The following BTBD9 variants were observed in gnomAD, a reference collection of about 807,000 sequenced individuals.
BTBD9 encodes BTB domain containing 9.
A neutral mutation model predicts 64.3 loss-of-function variants in BTBD9; 49 were observed. The observed-to-expected ratio is 0.76, with a 90% CI of 0.61 to 0.97. The LOEUF is 0.97. Among genes scored for constraint, BTBD9 ranks in the 50% least tolerant of loss-of-function variants. BTBD9 has a pLI of 0.00. For synonymous variants in BTBD9, 260 were observed against 274.7 expected (o/e 0.95, Z 0.53); for missense variants, 598 against 762.1 (o/e 0.78, Z 2.53).
intron 10 of BTBD9, among the ~76,000 whole-genome samples, chr6:38,190,108 G>A (rs2127483430): frequency 6.6e-6 from 1 of 151,994 alleles, no homozygotes; most frequent in Non-Finnish European, 1.5e-5. Context: ...CAATGCACCT[G>A]GCTTATTGTG....
intron 9 of BTBD9, among the ~76,000 whole-genome samples, chr6:38,208,432 G>T (rs137967219): frequency 2.0e-5 from 3 of 152,152 alleles, no homozygotes; most frequent in African/African-American, 7.2e-5. Context: ...CTATGGACTG[G>T]GGATATGAGA....
rs200093479 is a variant in BTBD9, at chr6:38,175,229, G to A, written c.1642-47C>T. On this transcript the variant is annotated intron_variant, in intron 10 of 10. Transcript: ENST00000481247. The stretch of plus-strand genomic sequence containing the variant: ...CCCCATGAGTGAAGGGTCAGCATGC[G>A]GCCCTGGAGTTGCCGCAAGTTGGGA... 1.3e-4 allele frequency: 201 copies of A among 1,600,742 alleles called. No homozygotes were observed. The African/African-American group carries it at 1.3e-3, about 10-fold the overall frequency.
intron 6 of BTBD9, among the ~76,000 whole-genome samples, chr6:38,459,424 C>T (rs1322937324): frequency 6.6e-6 from 1 of 152,082 alleles, no homozygotes; most frequent in South Asian, 2.1e-4. Flanking sequence ...TGGTTCTGGC[C>T]AATGGGTTGT....
intron 7 of BTBD9, among the ~76,000 whole-genome samples, chr6:38,301,645 G>A (rs975472127): frequency 7.2e-5 from 11 of 152,116 alleles, no homozygotes; most frequent in South Asian, 4.1e-4. Flanking sequence ...GTTTATTTGC[G>A]TAGAGGTGTT....
chr6:38,383,820 C>G (rs954528830), intron 6 of BTBD9, among the ~76,000 whole-genome samples: 1 of 152,202 alleles, frequency 6.6e-6, no homozygotes, highest in Non-Finnish European at 1.5e-5. Flanking sequence ...TTTGCGTCCA[C>G]CCCTCCTCCA....
intron 6 of BTBD9, among the ~76,000 whole-genome samples, chr6:38,362,838 G>T (rs999362498): frequency 1.3e-5 from 2 of 152,110 alleles, no homozygotes; most frequent in Admixed American, 1.3e-4. Context: ...TGATATGATG[G>T]CAGAGTTGCT....
chr6:38,328,448 T>C (rs565071321), intron 7 of BTBD9, among the ~76,000 whole-genome samples: 124 of 152,236 alleles, frequency 8.1e-4, no homozygotes, highest in African/African-American at 2.8e-3. Flanking sequence ...GGTGGCCATT[T>C]ACATGCCAAG....
chr6:38,175,285 C>T (rs545181470), intron 10 of BTBD9, 103 bp from the exon 11 acceptor site: 57 of 1,246,192 alleles, frequency 4.6e-5, no homozygotes, highest in South Asian at 2.7e-4. Flanking sequence ...GGGGCCACCA[C>T]GAGGGAGTTA....
intron 7 of BTBD9, among the ~76,000 whole-genome samples, chr6:38,302,545 A>T (rs1762455333): frequency 7.1e-6 from 1 of 141,454 alleles, no homozygotes; most frequent in Non-Finnish European, 1.5e-5. Flanking sequence ...TTATACATTC[A>T]TACATTGATG....
chr6:38,454,547 T>C (rs1479031279), intron 6 of BTBD9, among the ~76,000 whole-genome samples: 1 of 150,826 alleles, frequency 6.6e-6, no homozygotes, highest in Non-Finnish European at 1.5e-5. Context: ...CTTGTAATCC[T>C]AGCACTTAGG....
chr6:38,405,017 C>T (rs1582375043), intron 6 of BTBD9, among the ~76,000 whole-genome samples: 1 of 152,070 alleles, frequency 6.6e-6, no homozygotes, highest in Non-Finnish European at 1.5e-5. Flanking sequence ...CGTTATGAAA[C>T]GATCTTGTCT....
chr6:38,518,670 T>C (rs78134048), intron 6 of BTBD9, among the ~76,000 whole-genome samples: 2,263 of 152,352 alleles, frequency 0.015, 40 homozygotes, highest in African/African-American at 0.051. Context: ...GACCAATCTC[T>C]GTGCTTCTAT....
intron 1 of BTBD9, among the ~76,000 whole-genome samples, chr6:38,606,806 T>TA (rs2127507524): frequency 6.6e-6 from 1 of 152,340 alleles, no homozygotes; most frequent in African/African-American, 2.4e-5. Flanking sequence ...TAGGTACTTT[T>TA]AAAATATCCA....
intron 10 of BTBD9, among the ~76,000 whole-genome samples, chr6:38,190,530 T>C (rs557167914): frequency 1.2e-3 from 181 of 151,750 alleles, no homozygotes; most frequent in African/African-American, 3.5e-3. Flanking sequence ...AGGCTTTTTT[T>C]CCCCTGATCA....
intron 9 of BTBD9, among the ~76,000 whole-genome samples, chr6:38,202,182 T>A (rs1762489828): frequency 1.4e-5 from 2 of 145,280 alleles, no homozygotes; most frequent in South Asian, 4.5e-4. Context: ...CCCCACAAGC[T>A]CAAGCGATTC....
chr6:38,431,694 T>C (rs1321368986), intron 6 of BTBD9, among the ~76,000 whole-genome samples: 1 of 152,054 alleles, frequency 6.6e-6, no homozygotes, highest in Non-Finnish European at 1.5e-5. Context: ...TGGCACCCAA[T>C]GCACATCCCC....
chr6:38,558,477 T>C (rs1775122616), intron 6 of BTBD9, among the ~76,000 whole-genome samples: 1 of 152,206 alleles, frequency 6.6e-6, no homozygotes, highest in African/African-American at 2.4e-5. Flanking sequence ...TTTTAATGTT[T>C]TCAAGGAGAA....
At position 38,171,948 on chromosome 6, in the gene BTBD9, T is replaced by A. The variant is rs1426590716; in HGVS notation, c.*3037A>T. On this transcript the variant is annotated 3_prime_UTR_variant, in exon 11 of 11. Transcript: ENST00000481247. ...GTGGGGGTGCTGGCCACCTCCCATT[T>A]CTTTGCCTGGGTGGTGGTGACCATG... 1 of 150,964 alleles carries A rather than the reference T, an allele frequency of 6.6e-6. No individual in the cohort carries two copies. The highest frequency in any genetic ancestry group is 2.4e-5 in the African/African-American group (1 of 41,024). The allele number at this position is 150,964 out of a possible 1,614,324, so 9.4% of individuals were successfully genotyped here.
At chr6:38,557,673 C>T (rs1775091005) in intron 6 of BTBD9, among the ~76,000 whole-genome samples, 2 of 152,146 alleles carry the variant, frequency 1.3e-5, no homozygotes, top group Admixed American at 6.5e-5. Context: ...ATTAGGATAT[C>T]ACTATGAGGA....
Sources: gnomAD v4.1 joint callset for allele counts (sites outside exome capture counted in the v4.1 genomes callset) on GRCh38, gnomAD v4.1.1 for gene constraint, MANE v1.5 for transcripts, NCBI Gene and HGNC (gene_info 2026-07-23, HGNC 2026-07-21) for gene names.